Variants in SLC15A2 observed in about 807,000 individuals in gnomAD.
SLC15A2 encodes the protein kidney H(+)/peptide cotransporter.
In SLC15A2, 77 loss-of-function variants were observed where a neutral mutation model predicts 95.5. The ratio of observed to expected loss-of-function variants is 0.81; its 90% CI spans 0.67 to 0.97. SLC15A2 has a LOEUF of 0.97. Ranked by LOEUF, SLC15A2 falls within the 50% of genes least tolerant of loss-of-function variation. SLC15A2 has a pLI of 0.00. For missense variants in SLC15A2, 893 were observed against 874.4 expected, an observed-to-expected ratio of 1.02 and a Z score of -0.27; for synonymous variants, 306 against 306.9, an observed-to-expected ratio of 1.00 and a Z score of 0.03.
At chr3:121,934,345 A>G (rs1710295326) in intron 19 of SLC15A2, among the ~76,000 whole-genome samples, 1 of 152,086 alleles carries the variant, frequency 6.6e-6, no homozygotes, top group African/African-American at 2.4e-5. Flanking sequence ...TCTATAAATT[A>G]CCTTGGGCAG....
At chr3:121,917,355 C>CAG (rs1709915952) in intron 7 of SLC15A2, among the ~76,000 whole-genome samples, 1 of 152,034 alleles carries the variant, frequency 6.6e-6, no homozygotes, top group South Asian at 2.1e-4. Context: ...TAGGAAAGTA[C>CAG]AGAGAGAGCT....
chr3:121,896,102 C>T (rs2107563235), intron 1 of SLC15A2, among the ~76,000 whole-genome samples: 1 of 152,300 alleles, frequency 6.6e-6, no homozygotes, highest in African/African-American at 2.4e-5. Context: ...TCTTCTGCCC[C>T]AGAGCCCTAG....
intron 19 of SLC15A2, among the ~76,000 whole-genome samples, chr3:121,934,718 A>T (rs1211536150): frequency 2.6e-5 from 4 of 152,316 alleles, no homozygotes; most frequent in East Asian, 3.9e-4. Context: ...AATAGGGACA[A>T]TTTGACTTCC....
chr3:121,938,782 G>C lies in SLC15A2; in HGVS notation c.1762-567G>C, dbSNP rs539674680. Among the ~76,000 whole-genome samples, 4 of 152,278 alleles carry C rather than the reference G, an allele frequency of 2.6e-5. No homozygotes were observed. The East Asian group carries it at 7.7e-4, about 29-fold the overall frequency. ...GAGCTGTTCCTATTCGGCCATCTTG[G>C]CTCCAGCCACCTCCATGTCTCTTTT... On this transcript the variant is annotated intron_variant, in intron 19 of 21. Coordinates refer to ENST00000489711, the MANE Select transcript of SLC15A2 (RefSeq NM_021082.4).
At chr3:121,897,247 T>C in intron 2 of SLC15A2, 141 bp from the exon 3 acceptor site, 1 of 911,570 alleles carries the variant, frequency 1.1e-6, no homozygotes, top group Non-Finnish European at 1.7e-6. Context: ...GGCAGTCACT[T>C]CTCAGTCATG....
Position 121,929,144 on chromosome 3 carries a change from A to G in SLC15A2, c.1504A>G (p.Met502Val), listed in dbSNP as rs376140854. Residue 502 changes from methionine to valine, a missense_variant and splice_region_variant, in exon 16 of 22, where the codon ATG (methionine) becomes GTG (valine). Coordinates refer to ENST00000489711, the MANE Select transcript of SLC15A2 (RefSeq NM_021082.4). ...REDGNSISSM[M>V]VKDTESRTTN... The stretch of plus-strand genomic sequence containing the variant: ...AGATGGGAACAGTATCTCCAGCATG[A>G]TGGTAATTTGAGGAATTGCCTGTGT... 53 of 1,610,404 alleles carry G rather than the reference A, an allele frequency of 3.3e-5. No individual in the cohort carries two copies. The highest frequency in any genetic ancestry group is 5.3e-5 in the African/African-American group (4 of 74,824).
chr3:121,924,653 G>A (rs1291593893), intron 12 of SLC15A2, among the ~76,000 whole-genome samples: 1 of 152,098 alleles, frequency 6.6e-6, no homozygotes, highest in Non-Finnish European at 1.5e-5. Flanking sequence ...GAAATTGTAA[G>A]GCTTATTTTG....
In SLC15A2 at chr3:121,931,727, A is replaced by G; in HGVS notation, c.1753A>G (p.Ile585Val). The G allele has an allele frequency of 6.2e-7, 1 of 1,602,888 alleles. No individual in the cohort carries two copies. The highest frequency in any genetic ancestry group is 2.2e-5 in the East Asian group (1 of 44,810). Reference protein sequence around the residue: ...LDFGAAYLFVITNNTNQGLQA... With the variant: ...LDFGAAYLFVVTNNTNQGLQA... ...CTTTGGTGCAGCATATCTGTTTGTT[A>G]TTACTAATGTAAGTAGCTCACAGCC... The change falls in exon 19 of 22, where the codon ATT becomes GTT. Residue 585 changes from isoleucine (I) to valine (V), a missense_variant. Physicochemically the swap from Ile to Val is conservative, Grantham distance 29. Coordinates refer to ENST00000489711, the MANE Select transcript of SLC15A2 (RefSeq NM_021082.4).
Position 121,915,624 on chromosome 3 carries a change from C to A in SLC15A2, c.628C>A (p.Gln210Lys). Residue 210 changes from glutamine (Q) to lysine (K), a missense_variant, in exon 7 of 22, where the codon CAA (glutamine) becomes AAA (lysine). Gln to Lys is a moderately conservative substitution (Grantham distance 53, BLOSUM62 1). Coordinates refer to ENST00000489711, the MANE Select transcript of SLC15A2 (RefSeq NM_021082.4). ...FITPMLRGDV[Q>K]CFGEDCYALA... Reference sequence around the variant, plus strand: ...CATCCCATTTTCTTTAGGAGATGTGCAATGTTTTGGAGAAGACTGCTATGC... The same window carrying A: ...CATCCCATTTTCTTTAGGAGATGTGAAATGTTTTGGAGAAGACTGCTATGC... 1 of 1,612,960 alleles carries A rather than the reference C, an allele frequency of 6.2e-7. No individual in the cohort carries two copies. The highest frequency in any genetic ancestry group is 1.3e-5 in the African/African-American group (1 of 74,988).
In SLC15A2 at chr3:121,930,959, A is replaced by G. The variant is rs758557752; in HGVS notation, c.1664+9A>G. On this transcript the variant is annotated intron_variant, in intron 18 of 21. Coordinates refer to ENST00000489711, the MANE Select transcript of SLC15A2 (RefSeq NM_021082.4). ...ACTGTGCAAAGAGGAGAGTAAGTGC[A>G]TTGCCCCTGTGGACATTTTACTTTT... The G allele has an allele frequency of 2.0e-6, 3 of 1,527,158 alleles. No individual in the cohort carries two copies. Among genetic ancestry groups the G allele is most frequent in the Admixed American group, 1.7e-5 (1 of 59,638 alleles). 94.6% of individuals were successfully genotyped at this position (1,527,158 alleles called of 1,614,324 possible).
intron 3 of SLC15A2, among the ~76,000 whole-genome samples, chr3:121,910,192 CTTTTTT>C (rs35492489): frequency 0.47 from 59,032 of 126,788 alleles, 12,529 homozygotes; most frequent in East Asian, 0.68. Context: ...AGTCACCTAA[CTTTTTT>C]TTTTTTTTTT....
chr3:121,922,435 C>G, intron 8 of SLC15A2, 133 bp downstream of exon 8: 1 of 667,738 alleles, frequency 1.5e-6, no homozygotes, highest in Non-Finnish European at 2.5e-6. Flanking sequence ...TTTTAACAAG[C>G]TAAGATTAAC....
intron 7 of SLC15A2, among the ~76,000 whole-genome samples, chr3:121,918,705 G>T (rs1169395290): frequency 1.3e-5 from 2 of 152,170 alleles, no homozygotes; most frequent in South Asian, 4.1e-4. Flanking sequence ...ATATGAAGAA[G>T]ATTTCAAGAA....
At chr3:121,929,537 G>A (rs1710189782) in intron 17 of SLC15A2, among the ~76,000 whole-genome samples, 189 bp downstream of exon 17, 3 of 152,092 alleles carry the variant, frequency 2.0e-5, no homozygotes, top group Admixed American at 6.5e-5. Context: ...TGTGGGATTC[G>A]AAGATGACTC....
At chr3:121,908,810 A>G (rs1227777594) in intron 3 of SLC15A2, among the ~76,000 whole-genome samples, 1 of 152,184 alleles carries the variant, frequency 6.6e-6, no homozygotes, top group Non-Finnish European at 1.5e-5. Flanking sequence ...TGTTCATGAT[A>G]AAACCAAAGG....
intron 11 of SLC15A2, 100 bp from the exon 12 acceptor site, chr3:121,924,251 A>G: frequency 1.0e-6 from 1 of 954,890 alleles, no homozygotes; most frequent in Non-Finnish European, 1.7e-6. Flanking sequence ...TTTCTCTCAT[A>G]TGTTTCTCAC....
rs201971416 is a variant in SLC15A2 at position 121,899,913 on chromosome 3, CTTG to C, written c.335+2390_335+2392del. The stretch of plus-strand genomic sequence containing the variant: ...TTTCTAAATTCTTACTCATTTTGAA[CTTG>C]TTGTTAACATTTCAGTCTGTTTATC... On this transcript the variant is annotated intron_variant, in intron 3 of 21. Coordinates refer to ENST00000489711, the MANE Select transcript of SLC15A2 (RefSeq NM_021082.4). 2.1e-3 allele frequency among the ~76,000 whole-genome samples: 320 copies of C among 152,188 alleles called. 5 individuals carry two copies. The East Asian group carries it at 0.041, about 19-fold the overall frequency.
intron 7 of SLC15A2, among the ~76,000 whole-genome samples, chr3:121,917,307 G>A (rs1444199579): frequency 6.6e-6 from 1 of 152,116 alleles, no homozygotes; most frequent in Non-Finnish European, 1.5e-5. Context: ...TTTACAATAT[G>A]GTATGATCAG....
rs914618772 is a variant in SLC15A2, at chr3:121,897,488, C to G, written c.294C>G (p.Ile98Met). The G allele has an allele frequency of 4.3e-6, 7 of 1,614,068 alleles. No individual in the cohort carries two copies. The highest frequency in any genetic ancestry group is 5.9e-6 in the Non-Finnish European group (7 of 1,180,004). ...AFSSLCYFTP[I>M]LGAAIADSWL... ...GCAGCCTCTGTTATTTTACTCCCATCCTGGGAGCAGCCATTGCTGACTCGT... is the reference window on the plus strand; with the variant it reads ...GCAGCCTCTGTTATTTTACTCCCATGCTGGGAGCAGCCATTGCTGACTCGT... The change falls in exon 3 of 22, where the codon ATC becomes ATG. Residue 98 changes from isoleucine to methionine, a missense_variant. Transcript: ENST00000489711.
Sources: gnomAD v4.1 joint callset for allele counts (sites outside exome capture counted in the v4.1 genomes callset) on GRCh38, gnomAD v4.1.1 for gene constraint, MANE v1.5 for transcripts, NCBI Gene and HGNC (gene_info 2026-07-23, HGNC 2026-07-21) for gene names.